Variants in IFT122 observed in about 807,000 individuals in gnomAD.
The protein encoded by IFT122 is intraflagellar transport 122, also known as intraflagellar transport protein 122 homolog.
IFT122 carries 118 observed loss-of-function variants against 161.6 expected under a neutral mutation model. That is an observed-to-expected ratio of 0.73 (90% confidence interval 0.63 to 0.85). The LOEUF is 0.85. Among genes scored for constraint, IFT122 ranks in the 40% least tolerant of loss-of-function variants. IFT122 has a pLI of 0.00. For missense variants in IFT122, 1,381 were observed against 1,579.6 expected (o/e 0.87, Z 2.13); for synonymous variants, 550 against 602.4 (o/e 0.91, Z 1.27).
intron 1 of IFT122, among the ~76,000 whole-genome samples, chr3:129,442,019 C>A (rs999206379): frequency 2.0e-5 from 3 of 152,042 alleles, no homozygotes; most frequent in Non-Finnish European, 2.9e-5. Context: ...GTGCTCAGCT[C>A]TTCCTGTTTT....
chr3:129,446,567 A>G (rs2074029568), intron 1 of IFT122, among the ~76,000 whole-genome samples: 1 of 152,060 alleles, frequency 6.6e-6, no homozygotes, highest in Admixed American at 6.6e-5. Flanking sequence ...TTTTAAATCA[A>G]CCTATAAGCT....
chr3:129,477,936 A>C (rs542776591), intron 11 of IFT122, 80 bp from the exon 12 acceptor site: 2 of 1,226,512 alleles, frequency 1.6e-6, no homozygotes, highest in South Asian at 2.4e-5. Flanking sequence ...AGCGCTAAGT[A>C]AATGATGGCT....
At chr3:129,440,523 G>A in intron 1 of IFT122, 152 bp downstream of exon 1, 2 of 940,466 alleles carry the variant, frequency 2.1e-6, no homozygotes, top group South Asian at 1.5e-5. Flanking sequence ...TCGCCCTCCC[G>A]CCCCTTGGCG....
At chr3:129,511,562 T>A (rs1279875507) in intron 23 of IFT122, among the ~76,000 whole-genome samples, 1 of 152,222 alleles carries the variant, frequency 6.6e-6, no homozygotes, top group Non-Finnish European at 1.5e-5. Context: ...TTATATACAG[T>A]GTGCCAGATG....
chr3:129,478,173 G>A lies in IFT122; in HGVS notation c.1305G>A (p.Glu435=). Residue 435 remains glutamate (E), a synonymous_variant, in exon 12 of 30, where the codon GAG becomes GAA. Transcript: ENST00000348417. ...RVKEKIIKKF[E]CNLLVVCANH... ...AGGAGAAGATTATCAAGAAGTTTGA[G>A]TGCAACCTCCTGGTGGTGTGTGCCA... 3 of 1,614,176 alleles carry A rather than the reference G, an allele frequency of 1.9e-6. No individual in the cohort carries two copies. The highest frequency in any genetic ancestry group is 1.1e-5 in the South Asian group (1 of 91,084).
At chr3:129,491,201 G>A (rs1385186388) in intron 16 of IFT122, among the ~76,000 whole-genome samples, 1 of 152,184 alleles carries the variant, frequency 6.6e-6, no homozygotes. Flanking sequence ...CTCATCTCCC[G>A]AGGTCTTTTC....
intron 18 of IFT122, among the ~76,000 whole-genome samples, chr3:129,497,746 C>T (rs1161534983): frequency 6.6e-6 from 1 of 152,208 alleles, no homozygotes; most frequent in Non-Finnish European, 1.5e-5. Context: ...CCCCTGCCCC[C>T]ACCTGGTAGT....
At chr3:129,472,467 C>T (rs1208694677) in intron 9 of IFT122, among the ~76,000 whole-genome samples, 2 of 151,998 alleles carry the variant, frequency 1.3e-5, no homozygotes, top group Non-Finnish European at 2.9e-5. Context: ...ATCTGGCCTA[C>T]TTCTGATTTT....
At chr3:129,493,611 G>A (rs542515775) in intron 17 of IFT122, among the ~76,000 whole-genome samples, 3 of 152,126 alleles carry the variant, frequency 2.0e-5, no homozygotes, top group Admixed American at 1.3e-4. Context: ...ATGCTCTCTC[G>A]GCCACATACC....
chr3:129,488,463 G>A (rs2108406160), intron 16 of IFT122, 66 bp downstream of exon 16: 4 of 1,607,952 alleles, frequency 2.5e-6, no homozygotes, highest in Middle Eastern at 1.7e-4. Context: ...GGCAGATGGG[G>A]ACCCAGGTGG....
At chr3:129,477,916 A>T in intron 11 of IFT122, 100 bp from the exon 12 acceptor site, 1 of 943,444 alleles carries the variant, frequency 1.1e-6, no homozygotes, top group Non-Finnish European at 1.7e-6. Flanking sequence ...ATCTCACTTT[A>T]ATTGCCAGTA....
Position 129,481,643 on chromosome 3 carries a change from A to G in IFT122, c.1602A>G (p.Glu534=), listed in dbSNP as rs1330229789. Reference sequence around the variant, plus strand: ...GTAAGAAGCTGGCCGTGGTAGATGAAAATGACACTTGCCTGGTGTATGACA... The same window carrying G: ...GTAAGAAGCTGGCCGTGGTAGATGAGAATGACACTTGCCTGGTGTATGACA... The part of the protein sequence containing the change: ...ASRKKLAVVD[E]NDTCLVYDID... Residue 534 remains glutamate (E), a synonymous_variant, in exon 14 of 30, where the codon GAA becomes GAG. Coordinates refer to ENST00000348417, the MANE Select transcript of IFT122 (RefSeq NM_052989.3). 1 of 1,613,838 alleles carries G rather than the reference A, an allele frequency of 6.2e-7. No homozygotes were observed. Among genetic ancestry groups the G allele is most frequent in the Admixed American group, 1.7e-5 (1 of 60,032 alleles).
intron 24 of IFT122, chr3:129,513,990 G>T (rs1221567999): frequency 8.3e-6 from 3 of 361,368 alleles, no homozygotes; most frequent in Admixed American, 7.6e-5. Context: ...TGGCTCCCCA[G>T]GGAGTCTGGA....
rs568032582 is a variant in IFT122, at chr3:129,498,774, G to T, written c.2209-1128G>T. Among the ~76,000 whole-genome samples, 3 of 152,270 alleles carry T rather than the reference G, an allele frequency of 2.0e-5. No individual in the cohort carries two copies. The South Asian group carries it at 6.2e-4, about 32-fold the overall frequency. Reference sequence around the variant, plus strand: ...TTGTTCTCAGTGAGGCTGACACAAAGTACTCTCCACAGGGTACATTATTCC... The same window carrying T: ...TTGTTCTCAGTGAGGCTGACACAAATTACTCTCCACAGGGTACATTATTCC... On this transcript the variant is annotated intron_variant, in intron 18 of 29. Transcript: ENST00000348417.
intron 7 of IFT122, among the ~76,000 whole-genome samples, chr3:129,465,201 A>G (rs1214624400): frequency 1.3e-5 from 2 of 150,454 alleles, no homozygotes; most frequent in Non-Finnish European, 3.0e-5. Flanking sequence ...CTTATGAATC[A>G]ATAGTGGAGC....
rs1206321994 is a variant in IFT122, at chr3:129,517,533, C to T, written c.3330C>T (p.Leu1110=). The T allele has an allele frequency of 6.2e-7, 1 of 1,614,030 alleles. No individual in the cohort carries two copies. The highest frequency in any genetic ancestry group is 1.7e-5 in the Admixed American group (1 of 60,024). ...EGITDEEAIS[L]IDLEVLRPKR... is the part of the protein sequence containing the mutation. ...TCACTGATGAAGAAGCCATCTCCCTCATCGACCTGGAGGTGCTGAGACCCA... is the reference window on the plus strand; with the variant it reads ...TCACTGATGAAGAAGCCATCTCCCTTATCGACCTGGAGGTGCTGAGACCCA... Residue 1110 remains leucine (L), a synonymous_variant, in exon 27 of 30, where the codon CTC becomes CTT. Transcript: ENST00000348417.
chr3:129,507,516 C>T (rs1383710115), intron 22 of IFT122, 152 bp from the exon 23 acceptor site: 2 of 725,794 alleles, frequency 2.8e-6, no homozygotes, highest in Admixed American at 3.8e-5. Flanking sequence ...TTTCCCCTCA[C>T]TACACTTTGT....
chr3:129,490,024 T>A (rs1168813006), intron 16 of IFT122, among the ~76,000 whole-genome samples: 3 of 151,544 alleles, frequency 2.0e-5, no homozygotes, highest in African/African-American at 7.3e-5. Flanking sequence ...ATATATATAT[T>A]TTTATATATT....
At chr3:129,496,889 C>G (rs1290434145) in intron 18 of IFT122, among the ~76,000 whole-genome samples, 1 of 152,200 alleles carries the variant, frequency 6.6e-6, no homozygotes, top group African/African-American at 2.4e-5. Context: ...AAAATTTTAA[C>G]TCAGGATGAA....
Sources: allele counts gnomAD v4.1 joint callset (sites outside exome capture counted in the v4.1 genomes callset), GRCh38; gene constraint gnomAD v4.1.1; transcripts MANE v1.5; gene names NCBI Gene and HGNC (gene_info 2026-07-23, HGNC 2026-07-21).